Variants in SLC4A5 observed in about 807,000 individuals in gnomAD.
SLC4A5 encodes the protein solute carrier family 4 member 5.
A neutral mutation model predicts 120.4 loss-of-function variants in SLC4A5; 96 were observed. The observed-to-expected ratio is 0.80, with a 90% confidence interval of 0.68 to 0.94. The LOEUF (loss-of-function observed/expected upper bound fraction) is 0.94, where lower values mean the gene tolerates loss of function less well. Among genes scored for constraint, SLC4A5 ranks in the 40% least tolerant of loss-of-function variants. The pLI is 0.00. For synonymous variants in SLC4A5, 550 were observed against 571.1 expected (o/e 0.96, Z 0.53); for missense variants, 1,259 against 1,459.5 (o/e 0.86, Z 2.24).
At chr2:74,219,176 GGTGTGTGTGTGTGTGTGTGTGTGTGTGT>G (rs58141033) in intron 30 of SLC4A5, among the ~76,000 whole-genome samples, 3 of 134,264 alleles carry the variant, frequency 2.2e-5, no homozygotes, top group South Asian at 2.5e-4. Context: ...GCTCTTTGGA[GGTGTGTGTGTGTGTGTGTGTGTGTGTGT>G]GTGTGTGTGT....
chr2:74,270,656 G>A (rs1014737812), intron 8 of SLC4A5, among the ~76,000 whole-genome samples: 3 of 152,218 alleles, frequency 2.0e-5, no homozygotes, highest in African/African-American at 7.2e-5. Context: ...CTGGATGACA[G>A]AGCGAGACTC....
At chr2:74,225,321 C>T (rs970665028) in intron 27 of SLC4A5, among the ~76,000 whole-genome samples, 2 of 152,062 alleles carry the variant, frequency 1.3e-5, no homozygotes, top group Admixed American at 6.5e-5. Context: ...CTCAGCCAGG[C>T]GTGGTGGCTC....
intron 7 of SLC4A5, among the ~76,000 whole-genome samples, chr2:74,293,618 A>G (rs990381956): frequency 6.6e-6 from 1 of 152,180 alleles, no homozygotes; most frequent in Non-Finnish European, 1.5e-5. Flanking sequence ...GGCTGTGTAC[A>G]CCCAGAGAGG....
chr2:74,272,820 T>C (rs1159955390), intron 8 of SLC4A5, among the ~76,000 whole-genome samples: 2 of 152,214 alleles, frequency 1.3e-5, no homozygotes, highest in Non-Finnish European at 2.9e-5. Flanking sequence ...GAAAGCATCA[T>C]GGCGCTAGCT....
intron 2 of SLC4A5, chr2:74,339,107 G>T (rs1380821752): frequency 7.9e-5 from 12 of 152,190 alleles, no homozygotes; most frequent in Admixed American, 7.8e-4. Context: ...GAATGTCCAT[G>T]AATAAAGGAC....
At chr2:74,315,246 C>T (rs1220538276) in intron 5 of SLC4A5, among the ~76,000 whole-genome samples, 3 of 151,660 alleles carry the variant, frequency 2.0e-5, no homozygotes, top group Non-Finnish European at 4.4e-5. Flanking sequence ...TCGAGACCAG[C>T]CTGGCCAATA....
chr2:74,229,266 G>GT lies in SLC4A5; in HGVS notation c.2848-1389_2848-1388insA, dbSNP rs201707122. Reference sequence around the variant, plus strand: ...GAAGGTGTTTTTTTTTTTTGGGGGGGGCACGGAGTCTCACTCTGTCTTGCC... The same window carrying GT: ...GAAGGTGTTTTTTTTTTTTGGGGGGGTGCACGGAGTCTCACTCTGTCTTGCC... On this transcript the variant is annotated intron_variant, in intron 25 of 30. Transcript: ENST00000394019. Among the ~76,000 whole-genome samples, 834 of 149,252 alleles carry GT rather than the reference G, an allele frequency of 5.6e-3. 7 individuals carry two copies. The highest frequency in any genetic ancestry group is 7.1e-3 in the Non-Finnish European group (476 of 67,204).
At chr2:74,219,176 G>GGTGTGTGTGTGT (rs58141033) in intron 30 of SLC4A5, among the ~76,000 whole-genome samples, 13 of 134,330 alleles carry the variant, frequency 9.7e-5, no homozygotes, top group South Asian at 2.5e-4. Context: ...GCTCTTTGGA[G>GGTGTGTGTGTGT]GTGTGTGTGT....
intron 11 of SLC4A5, 80 bp from the exon 12 acceptor site, chr2:74,259,723 C>CTCT: frequency 7.3e-7 from 1 of 1,373,910 alleles, no homozygotes; most frequent in South Asian, 1.2e-5. Context: ...TACTCATGTA[C>CTCT]CTCTCCCATG....
At chr2:74,259,515 T>C (rs1671070121) in intron 12 of SLC4A5, 73 bp downstream of exon 12, 2 of 1,495,764 alleles carry the variant, frequency 1.3e-6, no homozygotes, top group Non-Finnish European at 1.9e-6. Context: ...CCATAGGGGA[T>C]CCCTGCTCCT....
chr2:74,252,280 G>C, exon 16 of SLC4A5: 1 of 1,611,314 alleles, frequency 6.2e-7, no homozygotes, highest in South Asian at 1.1e-5. Context: ...CAGCCCCGCC[G>C]CCACTGCCAC....
intron 23 of SLC4A5, 48 bp from the exon 24 acceptor site, chr2:74,232,695 C>A: frequency 6.3e-7 from 1 of 1,594,408 alleles, no homozygotes; most frequent in Admixed American, 1.8e-5. Context: ...GGAGCCAGTT[C>A]CTCCTGGATG....
At chr2:74,326,779 A>G (rs1673226515) in intron 5 of SLC4A5, among the ~76,000 whole-genome samples, 1 of 152,156 alleles carries the variant, frequency 6.6e-6, no homozygotes, top group South Asian at 2.1e-4. Flanking sequence ...AGATGGCACC[A>G]CTGCACTCAA....
chr2:74,227,224 G>T, intron 26 of SLC4A5, 94 bp from the exon 27 acceptor site: 1 of 1,385,598 alleles, frequency 7.2e-7, no homozygotes, highest in Non-Finnish European at 9.7e-7. Flanking sequence ...TGGGGTCTCA[G>T]AGAGGGGAAG....
At chr2:74,259,250 G>C (rs1251046477) in intron 12 of SLC4A5, among the ~76,000 whole-genome samples, 1 of 152,142 alleles carries the variant, frequency 6.6e-6, no homozygotes, top group Non-Finnish European at 1.5e-5. Context: ...CATCTTTAAA[G>C]GTGCTTGTGG....
At position 74,324,235 on chromosome 2, in the gene SLC4A5, G is replaced by A. The variant is rs939051317; in HGVS notation, c.-3+3885C>T. Reference sequence around the variant, plus strand: ...AAGGCAGTGGTTCTCAAACTTGAGCGTGCATCATAATACCTAGAAGGCTGC... The same window carrying A: ...AAGGCAGTGGTTCTCAAACTTGAGCATGCATCATAATACCTAGAAGGCTGC... On this transcript the variant is annotated intron_variant, in intron 5 of 30. Transcript: ENST00000394019. 7.9e-5 allele frequency among the ~76,000 whole-genome samples: 12 copies of A among 152,266 alleles called. No homozygotes were observed. In the South Asian group the frequency reaches 8.3e-4, roughly 11 times the overall value.
chr2:74,341,428 T>C (rs1465171437), intron 2 of SLC4A5, among the ~76,000 whole-genome samples: 1 of 152,236 alleles, frequency 6.6e-6, no homozygotes, highest in African/African-American at 2.4e-5. Flanking sequence ...GCTTTAATTG[T>C]TAATTAACAC....
intron 8 of SLC4A5, among the ~76,000 whole-genome samples, chr2:74,280,317 C>A (rs1671773264): frequency 6.6e-6 from 1 of 152,180 alleles, no homozygotes; most frequent in Non-Finnish European, 1.5e-5. Flanking sequence ...CCTTCCTTGA[C>A]CCCTCCTGCC....
intron 7 of SLC4A5, among the ~76,000 whole-genome samples, chr2:74,296,451 GT>G (rs753289873): frequency 7.2e-4 from 109 of 151,614 alleles, no homozygotes; most frequent in Non-Finnish European, 5.7e-4. Flanking sequence ...CAATTTTAAA[GT>G]TTCAAACCCT....
Sources: allele counts gnomAD v4.1 joint callset (sites outside exome capture counted in the v4.1 genomes callset), GRCh38; gene constraint gnomAD v4.1.1; transcripts MANE v1.5; gene names NCBI Gene and HGNC (gene_info 2026-07-23, HGNC 2026-07-21).